Variants in MUC4 observed in about 807,000 individuals in gnomAD.
The protein encoded by MUC4 is mucin 4, cell surface associated.
Under a neutral mutation model 257.9 loss-of-function variants are expected in MUC4, and 202 were observed. The observed-to-expected ratio is 0.78, with a 90% CI of 0.70 to 0.88. The LOEUF (loss-of-function observed/expected upper bound fraction) is 0.88, where lower values mean the gene tolerates loss of function less well. Ranked by LOEUF, MUC4 falls within the 40% of genes least tolerant of loss-of-function variation. The pLI, the probability that MUC4 is intolerant of heterozygous loss-of-function variation, is 0.00. For missense variants in MUC4, 5,976 were observed against 6,513.7 expected, an observed-to-expected ratio of 0.92 and a Z score of 2.84; for synonymous variants, 2,351 against 2,757.1, an observed-to-expected ratio of 0.85 and a Z score of 4.62.
intron 1 of MUC4, among the ~76,000 whole-genome samples, chr3:195,798,849 C>T (rs1560414729): frequency 6.6e-6 from 1 of 152,160 alleles, no homozygotes; most frequent in African/African-American, 2.4e-5. Flanking sequence ...AGAAGACGCA[C>T]ATCTTTTATG....
Position 195,804,755 on chromosome 3 carries a change from G to A in MUC4, c.82+6981C>T, listed in dbSNP as rs1303057906. On this transcript the variant is annotated intron_variant, in intron 1 of 24. Coordinates refer to ENST00000463781, the MANE Select transcript of MUC4 (RefSeq NM_018406.7). ...ACAGGCAGCAGGCGGCCCGGAAGGCGCGCAGACGCTGAACCGCTGGCCCCA... is the reference window on the plus strand; with the variant it reads ...ACAGGCAGCAGGCGGCCCGGAAGGCACGCAGACGCTGAACCGCTGGCCCCA... Among the ~76,000 whole-genome samples the A allele has an allele frequency of 8.5e-5, 13 of 152,388 alleles. No individual in the cohort carries two copies. In the South Asian group the frequency reaches 1.0e-3, roughly 12 times the overall value.
At chr3:195,754,779 T>C (rs938149469) in intron 18 of MUC4, among the ~76,000 whole-genome samples, 2 of 152,234 alleles carry the variant, frequency 1.3e-5, no homozygotes, top group African/African-American at 4.8e-5. Context: ...TCCATGTATG[T>C]ATGTGTGTAT....
chr3:195,754,820 G>A (rs73205707), intron 18 of MUC4, among the ~76,000 whole-genome samples: 13 of 18,096 alleles, frequency 7.2e-4, no homozygotes, highest in African/African-American at 9.9e-4. Context: ...GTATCCATGT[G>A]TGTATCCATG....
Position 195,780,948 on chromosome 3 carries a change from T to A in MUC4, c.10632A>T (p.Ser3544=). The A allele has an allele frequency of 3.3e-6, 5 of 1,514,746 alleles. No individual in the cohort carries two copies. Among genetic ancestry groups the A allele is most frequent in the Non-Finnish European group, 4.5e-6 (5 of 1,123,166 alleles). 93.8% of individuals were successfully genotyped at this position (1,514,746 alleles called of 1,614,324 possible). The part of the protein sequence containing the change: ...ATPLPVTSLS[S]VSTGDTTPLP... Reference sequence around the variant, plus strand: ...GAGGGGTGGTGTCACCTGTGGATACTGAGGAAAGGCTGGTGACAGGAAGAG... The same window carrying A: ...GAGGGGTGGTGTCACCTGTGGATACAGAGGAAAGGCTGGTGACAGGAAGAG... The change falls in exon 2 of 25, where the codon TCA becomes TCT. Residue 3544 remains serine, a synonymous_variant. Coordinates refer to ENST00000463781, the MANE Select transcript of MUC4 (RefSeq NM_018406.7).
At position 195,811,887 on chromosome 3, in the gene MUC4, GA is replaced by G; in HGVS notation, c.-71del. 1 of 1,478,342 alleles carries G rather than the reference GA, an allele frequency of 6.8e-7. No homozygotes were observed. Among genetic ancestry groups the G allele is most frequent in the Non-Finnish European group, 9.4e-7 (1 of 1,066,992 alleles). The allele number at this position is 1,478,342 out of a possible 1,614,324, so 91.6% of individuals were successfully genotyped here. ...CCCAGCAGCTGCAGTGTGAGGAGCA[GA>G]CGTGAGCCCGTCCCCTCAGGCGGCT... On this transcript the variant is annotated 5_prime_UTR_variant, in exon 1 of 25. Coordinates refer to ENST00000463781, the MANE Select transcript of MUC4 (RefSeq NM_018406.7).
intron 18 of MUC4, among the ~76,000 whole-genome samples, chr3:195,754,793 T>C (rs1338026076): frequency 1.3e-5 from 2 of 152,102 alleles, no homozygotes; most frequent in African/African-American, 4.8e-5. Flanking sequence ...TGTGTATCCA[T>C]GCATGTATGC....
rs776188809 is a variant in MUC4 at position 195,759,281 on chromosome 3, T to TG, written c.14849-21dup. The stretch of plus-strand genomic sequence containing the variant: ...ACTGATCTGAAACACAAAGAGGGAA[T>TG]GGGGGTTCCGAGGCAGGACAGTCTC... On this transcript the variant is annotated intron_variant, in intron 16 of 24. Coordinates refer to ENST00000463781, the MANE Select transcript of MUC4 (RefSeq NM_018406.7). 1.2e-6 allele frequency: 2 copies of TG among 1,612,532 alleles called. No individual in the cohort carries two copies. Among genetic ancestry groups the TG allele is most frequent in the Non-Finnish European group, 1.7e-6 (2 of 1,179,080 alleles).
Position 195,779,466 on chromosome 3 carries a change from AGTGCTGGTGAC to A in MUC4, c.12103_12113del (p.Val4035PhefsTer7), listed in dbSNP as rs745925627. On this transcript the variant is annotated frameshift_variant, in exon 2 of 25. Transcript: ENST00000463781. LOFTEE classifies it high-confidence loss of function. ...TGGTGTCACCTGTGGATGCTGAGGAAGTGCTGGTGACAGGAACAGGGGTGGCGTGACCTGTG... is the reference window on the plus strand; with the variant it reads ...TGGTGTCACCTGTGGATGCTGAGGAAAGGAACAGGGGTGGCGTGACCTGTG... The A allele has an allele frequency of 7.2e-6, 9 of 1,242,428 alleles. 1 individual carries two copies. Among genetic ancestry groups the A allele is most frequent in the African/African-American group, 1.8e-5 (1 of 56,950 alleles). 77.0% of individuals were successfully genotyped at this position (1,242,428 alleles called of 1,614,324 possible).
At chr3:195,752,307 G>A in intron 21 of MUC4, 66 bp downstream of exon 21, 2 of 1,390,068 alleles carry the variant, frequency 1.4e-6, no homozygotes, top group Non-Finnish European at 2.0e-6. Context: ...GCACAGCGAT[G>A]GTTCCGCCCT....
At chr3:195,767,823 C>CCACCACCATCAT (rs1721686809) in intron 7 of MUC4, among the ~76,000 whole-genome samples, 1 of 98,558 alleles carries the variant, frequency 1.0e-5, no homozygotes, top group African/African-American at 5.1e-5. Context: ...ATCACCACCA[C>CCACCACCATCAT]CACCACCATC....
At chr3:195,749,524 C>T (rs1715924743) in intron 23 of MUC4, among the ~76,000 whole-genome samples, 1 of 152,130 alleles carries the variant, frequency 6.6e-6, no homozygotes, top group Admixed American at 6.5e-5. Flanking sequence ...AGCACTTATG[C>T]TGCTGTGAGA....
rs1184748023 is a variant in MUC4, at chr3:195,778,316, G to A, written c.12930C>T (p.Ile4310=). 5 of 1,611,090 alleles carry A rather than the reference G, an allele frequency of 3.1e-6. No individual in the cohort carries two copies. In the South Asian group the frequency reaches 5.5e-5, roughly 18 times the overall value. Residue 4310 remains isoleucine (I), a synonymous_variant, in exon 3 of 25, where the codon ATC becomes ATT. Transcript: ENST00000463781. ...HTRSTAAPIP[I]LPERGVSLFP... is the part of the protein sequence containing the mutation. The stretch of plus-strand genomic sequence containing the variant: ...GTATGGCCTCACCTCTCTCAGGCAG[G>A]ATGGGGATGGGGGCAGCTGTGGAGC...
intron 15 of MUC4, 62 bp downstream of exon 15, chr3:195,761,422 C>A: frequency 2.2e-6 from 3 of 1,379,360 alleles, no homozygotes; most frequent in Admixed American, 3.4e-5. Context: ...CCGAGGGGGA[C>A]GACATAAACA....
At chr3:195,800,457 C>T (rs773312759) in intron 1 of MUC4, among the ~76,000 whole-genome samples, 1 of 152,088 alleles carries the variant, frequency 6.6e-6, no homozygotes, top group African/African-American at 2.4e-5. Context: ...GGGGAGAAGG[C>T]GCTGTCAAAA....
At chr3:195,792,781 G>C (rs1219300192) in intron 1 of MUC4, among the ~76,000 whole-genome samples, 1 of 152,160 alleles carries the variant, frequency 6.6e-6, no homozygotes, top group Non-Finnish European at 1.5e-5. Context: ...TACATATGCA[G>C]CACGGAATAC....
At position 195,785,816 on chromosome 3, in the gene MUC4, G is replaced by T; in HGVS notation, c.5764C>A (p.Pro1922Thr). ...GATGCTGAGGAAAGGCTGGTGACAG[G>T]AAGAGAGGTGGCGTGACCTGTGGAT... ...SVSTGHATSL[P>T]VTSLSSASTG... Residue 1922 changes from proline to threonine, a missense_variant, in exon 2 of 25, where the codon CCT becomes ACT. By Grantham distance (38) the Pro-to-Thr change is conservative. Coordinates refer to ENST00000463781, the MANE Select transcript of MUC4 (RefSeq NM_018406.7). The T allele has an allele frequency of 6.6e-7, 1 of 1,525,764 alleles. No individual in the cohort carries two copies. The highest frequency in any genetic ancestry group is 8.8e-7 in the Non-Finnish European group (1 of 1,130,462). 94.5% of individuals were successfully genotyped at this position (1,525,764 alleles called of 1,614,324 possible).
At position 195,783,972 on chromosome 3, in the gene MUC4, T is replaced by G; in HGVS notation, c.7608A>C (p.Ser2536=). The G allele has an allele frequency of 1.3e-6, 2 of 1,523,880 alleles. No individual in the cohort carries two copies. Among genetic ancestry groups the G allele is most frequent in the East Asian group, 5.0e-5 (2 of 40,286 alleles). The allele number at this position is 1,523,880 out of a possible 1,614,324, so 94.4% of individuals were successfully genotyped here. The change falls in exon 2 of 25, where the codon TCA becomes TCC. Residue 2536 remains serine, a synonymous_variant. Coordinates refer to ENST00000463781, the MANE Select transcript of MUC4 (RefSeq NM_018406.7). ...GAGAGGTGGCGTGACGTGTGGATAA[T>G]GAGGAAGCATTGGTGACAGGAAGAG... ...TTPLPVTNAS[S]LSTRHATSLH...
Position 195,781,607 on chromosome 3 carries a change from G to C in MUC4, c.9973C>G (p.His3325Asp), listed in dbSNP as rs1437615732. ...CTGGTGACATGAAGAGGGGTGGCGT[G>C]ACCTGTGGATGCTGAGGAAGCGTCG... Reference protein sequence around the residue: ...VTDASSASTGHATPLHVTSPS... With the variant: ...VTDASSASTGDATPLHVTSPS... Residue 3325 changes from histidine to aspartate, a missense_variant, in exon 2 of 25, where the codon CAC (histidine) becomes GAC (aspartate). Transcript: ENST00000463781. The C allele has an allele frequency of 0.032, 18,759 of 578,670 alleles. 2,841 individuals are homozygous for C. The African/African-American group carries it at 0.39, about 12-fold the overall frequency. The allele number at this position is 578,670 out of a possible 1,614,324, so 35.8% of individuals were successfully genotyped here. A position where few individuals can be genotyped will look rare whatever the true frequency, so the allele number is the denominator to read the frequency against.
At chr3:195,778,193 G>A (rs1430403233) in intron 3 of MUC4, 110 bp downstream of exon 3, 7 of 1,377,744 alleles carry the variant, frequency 5.1e-6, no homozygotes, top group Admixed American at 2.7e-5. Flanking sequence ...CCCTGTCCTC[G>A]GTAAGGCCCT....
Sources: gnomAD v4.1 joint callset for allele counts (sites outside exome capture counted in the v4.1 genomes callset) on GRCh38, gnomAD v4.1.1 for gene constraint, MANE v1.5 for transcripts, NCBI Gene and HGNC (gene_info 2026-07-23, HGNC 2026-07-21) for gene names.